PCDHGA3: variants seen among roughly 807,000 people sequenced by gnomAD.
The protein encoded by PCDHGA3 is protocadherin gamma-A3.
A neutral mutation model predicts 58.5 loss-of-function variants in PCDHGA3; 40 were observed. The observed-to-expected ratio is 0.68, with a 90% CI of 0.53 to 0.89. PCDHGA3 has a LOEUF of 0.89. Ranked by LOEUF, PCDHGA3 falls within the 40% of genes least tolerant of loss-of-function variation. The pLI is 0.00. For synonymous variants in PCDHGA3, 530 were observed against 525.7 expected, an observed-to-expected ratio of 1.01 and a Z score of -0.11; for missense variants, 1,223 against 1,195.9, an observed-to-expected ratio of 1.02 and a Z score of -0.33.
intron 1 of PCDHGA3, among the ~76,000 whole-genome samples, chr5:141,400,828 A>G (rs2094080616): frequency 6.6e-6 from 1 of 152,184 alleles, no homozygotes. Context: ...TCGTTGTCTC[A>G]TTCTTTAACA....
chr5:141,466,344 T>G (rs1036472951), intron 1 of PCDHGA3, among the ~76,000 whole-genome samples: 5 of 152,106 alleles, frequency 3.3e-5, no homozygotes, highest in African/African-American at 4.8e-5. Flanking sequence ...ATAATTTTTT[T>G]GCAGCTAATC....
At chr5:141,375,888 C>G in intron 1 of PCDHGA3, 1 of 1,613,818 alleles carries the variant, frequency 6.2e-7, no homozygotes, top group Admixed American at 1.7e-5. Context: ...GGCCAGAACG[C>G]CTGGCTGTCC....
At chr5:141,421,192 C>G (rs758345796) in intron 1 of PCDHGA3, 22 of 1,491,716 alleles carry the variant, frequency 1.5e-5, no homozygotes, top group Non-Finnish European at 1.9e-5. Flanking sequence ...AACCAACCAG[C>G]TCGAGAAACC....
chr5:141,437,741 CTTT>C (rs35124340), intron 1 of PCDHGA3, among the ~76,000 whole-genome samples: 1 of 141,708 alleles, frequency 7.1e-6, no homozygotes. Context: ...TTGAGTTCAC[CTTT>C]TTTTTTTTTT....
Position 141,383,965 on chromosome 5 carries a change from A to G in PCDHGA3, c.2424+37508A>G, listed in dbSNP as rs1208203107. ...GACTATGACGTCTTTAAGTAGCTCA[A>G]TCCCTGAAGACACACCTCTTGGGAC... On this transcript the variant is annotated intron_variant, in intron 1 of 3. Coordinates refer to ENST00000253812, the MANE Select transcript of PCDHGA3 (RefSeq NM_018916.4). 1 of 1,613,598 alleles carries G rather than the reference A, an allele frequency of 6.2e-7. No individual in the cohort carries two copies. The highest frequency in any genetic ancestry group is 2.2e-5 in the East Asian group (1 of 44,892).
chr5:141,453,997 A>C (rs1332821058), intron 1 of PCDHGA3, among the ~76,000 whole-genome samples: 2 of 152,242 alleles, frequency 1.3e-5, no homozygotes, highest in Non-Finnish European at 2.9e-5. Context: ...TGATAAACCC[A>C]CATAACATTT....
chr5:141,483,472 T>C (rs1457039859), intron 1 of PCDHGA3, among the ~76,000 whole-genome samples: 2 of 152,076 alleles, frequency 1.3e-5, no homozygotes, highest in Non-Finnish European at 2.9e-5. Flanking sequence ...TGACATGATA[T>C]AGGAAGTGAG....
At position 141,489,397 on chromosome 5, in the gene PCDHGA3, G is replaced by A. The variant is rs1307106048; in HGVS notation, c.2425-5410G>A. 2.5e-6 allele frequency: 4 copies of A among 1,614,058 alleles called. No homozygotes were observed. The highest frequency in any genetic ancestry group is 2.7e-5 in the African/African-American group (2 of 74,914). ...GGTGGGGAATGTTGCTCAGGATCTG[G>A]GCTTAAAGATGACAGATCTGTTGAG... On this transcript the variant is annotated intron_variant, in intron 1 of 3. Transcript: ENST00000253812. This position sits in a 1 kb window ranked among gnomAD's most constrained non-coding sequence, Gnocchi z 4.5.
At chr5:141,360,004 C>T in intron 1 of PCDHGA3, 1 of 1,185,444 alleles carries the variant, frequency 8.4e-7, no homozygotes, top group South Asian at 1.9e-5. Context: ...CTGCACAAAC[C>T]AACCACACAG....
At chr5:141,359,995 T>C in intron 1 of PCDHGA3, 1 of 1,091,948 alleles carries the variant, frequency 9.2e-7, no homozygotes, top group Non-Finnish European at 1.3e-6. Flanking sequence ...GGGAACTTCC[T>C]GCACAAACCA....
At chr5:141,375,535 C>A (rs548065153) in intron 1 of PCDHGA3, 105 of 1,613,900 alleles carry the variant, frequency 6.5e-5, no homozygotes, top group Non-Finnish European at 8.3e-5. Context: ...TGGACCAGAA[C>A]GCCCAAGTCT....
At chr5:141,365,090 A>T (rs774588043) in intron 1 of PCDHGA3, 1 of 1,613,830 alleles carries the variant, frequency 6.2e-7, no homozygotes, top group Non-Finnish European at 8.5e-7. Context: ...TGTTCCAGAG[A>T]ACATACCTGT....
intron 1 of PCDHGA3, among the ~76,000 whole-genome samples, chr5:141,488,497 C>CA (rs1415483796): frequency 4.6e-5 from 7 of 152,204 alleles, no homozygotes; most frequent in African/African-American, 1.7e-4. Flanking sequence ...CTGTAACACT[C>CA]ATTCCACATT....
chr5:141,479,453 A>G (rs994349416), intron 1 of PCDHGA3: 1 of 152,266 alleles, frequency 6.6e-6, no homozygotes, highest in Non-Finnish European at 1.5e-5. Context: ...TAAGTTCAGC[A>G]TGAATACAGT....
intron 1 of PCDHGA3, chr5:141,418,083 T>C: frequency 6.2e-7 from 1 of 1,614,068 alleles, no homozygotes; most frequent in Non-Finnish European, 8.5e-7. Context: ...AAGCTGCACT[T>C]CAGCGTAGAC....
chr5:141,450,831 T>TATTA (rs761717068), intron 1 of PCDHGA3, among the ~76,000 whole-genome samples: 2 of 144,580 alleles, frequency 1.4e-5, no homozygotes, highest in South Asian at 2.2e-4. Flanking sequence ...TTATTATTAT[T>TATTA]TTTTTTTTTT....
intron 1 of PCDHGA3, chr5:141,364,782 G>A (rs1315121311): frequency 6.2e-7 from 1 of 1,613,884 alleles, no homozygotes; most frequent in African/African-American, 1.3e-5. Flanking sequence ...GCAGGGACAC[G>A]GTTAGTGCTT....
chr5:141,401,516 T>G (rs375937507), intron 1 of PCDHGA3, among the ~76,000 whole-genome samples: 3 of 152,320 alleles, frequency 2.0e-5, no homozygotes, highest in South Asian at 2.1e-4. Context: ...CTCTATATAA[T>G]TACCAGAAGA....
chr5:141,438,591 CATATATATATATATAT>C (rs946798767), intron 1 of PCDHGA3, among the ~76,000 whole-genome samples: 4 of 75,562 alleles, frequency 5.3e-5, no homozygotes, highest in East Asian at 3.5e-4. Context: ...TACATACATA[CATATATATATATATAT>C]ATATATATAT....
Sources: allele counts gnomAD v4.1 joint callset (sites outside exome capture counted in the v4.1 genomes callset), GRCh38; gene constraint gnomAD v4.1.1; non-coding constraint Gnocchi (gnomAD v3.1); transcripts MANE v1.5; gene names NCBI Gene and HGNC (gene_info 2026-07-23, HGNC 2026-07-21).